ARFGEF3: variants seen among roughly 807,000 people sequenced by gnomAD.
ARFGEF3 encodes the protein brefeldin A-inhibited guanine nucleotide-exchange protein 3.
Under a neutral mutation model 221.7 loss-of-function variants are expected in ARFGEF3, and 96 were observed. The observed-to-expected ratio is 0.43, with a 90% CI of 0.37 to 0.51. The LOEUF (loss-of-function observed/expected upper bound fraction) is 0.51. ARFGEF3 is among the 20% of genes least tolerant of loss of function. The pLI, the probability that ARFGEF3 is intolerant of heterozygous loss-of-function variation, is 0.00. For missense variants in ARFGEF3, 2,410 were observed against 2,789.9 expected, an observed-to-expected ratio of 0.86 and a Z score of 3.07; for synonymous variants, 1,145 against 1,126.8, an observed-to-expected ratio of 1.02 and a Z score of -0.32.
At chr6:138,170,749 A>G (rs555894688) in intron 2 of ARFGEF3, 36 bp downstream of exon 2, 1 of 1,257,812 alleles carries the variant, frequency 8.0e-7, no homozygotes, top group South Asian at 1.2e-5. Context: ...CACAGAAGTC[A>G]ATATTACCCA....
intron 21 of ARFGEF3, 35 bp downstream of exon 21, chr6:138,296,990 G>T (rs567249198): frequency 5.3e-5 from 84 of 1,586,476 alleles, no homozygotes; most frequent in Non-Finnish European, 6.7e-5. Context: ...GGCTGGAACT[G>T]CTAAGTCAGT....
rs530003544 is a variant in ARFGEF3 at position 138,247,490 on chromosome 6, C to T, written c.665+1899C>T. Among the ~76,000 whole-genome samples the T allele has an allele frequency of 1.5e-4, 23 of 152,276 alleles. No individual in the cohort carries two copies. The East Asian group carries it at 3.1e-3, about 20-fold the overall frequency. On this transcript the variant is annotated intron_variant, in intron 8 of 33. Transcript: ENST00000251691. ...TGTTCTAGTGCTAAGTCCTCATCCC[C>T]GTCCAGTTCCCCTCCATCATAACAC... is the stretch of plus-strand genomic sequence containing the variant.
chr6:138,291,924 A>G lies in ARFGEF3; in HGVS notation c.3239A>G (p.Gln1080Arg). 1.3e-6 allele frequency: 2 copies of G among 1,498,784 alleles called. No individual in the cohort carries two copies. The highest frequency in any genetic ancestry group is 1.8e-6 in the Non-Finnish European group (2 of 1,121,592). 92.8% of individuals were successfully genotyped at this position (1,498,784 alleles called of 1,614,324 possible). The stretch of plus-strand genomic sequence containing the variant: ...TCCCTGAGCACGGCCCCTGTCGTCC[A>G]GCCCCTGTCCATCCAGGACCTCGTC... ...GRSLSTAPVV[Q>R]PLSIQDLVRE... is the part of the protein sequence containing the mutation. Residue 1080 changes from glutamine to arginine, a missense_variant, in exon 19 of 34, where the codon CAG becomes CGG. Transcript: ENST00000251691. This position sits in a 1 kb window ranked among gnomAD's most constrained non-coding sequence, Gnocchi z 4.5.
At chr6:138,333,789 T>C (rs1309410399) in intron 32 of ARFGEF3, among the ~76,000 whole-genome samples, 181 bp from the exon 33 acceptor site, 2 of 152,140 alleles carry the variant, frequency 1.3e-5, no homozygotes, top group African/African-American at 4.8e-5. Flanking sequence ...TAGTTGTGAT[T>C]AAAATGGTTA....
chr6:138,218,443 T>C (rs1008548320), intron 4 of ARFGEF3: 22 of 1,475,890 alleles, frequency 1.5e-5, no homozygotes, highest in Non-Finnish European at 2.0e-5. Context: ...AGAAGAATAA[T>C]TTTGTAAATT....
intron 5 of ARFGEF3, among the ~76,000 whole-genome samples, chr6:138,236,127 G>A (rs997330978): frequency 1.3e-5 from 2 of 152,192 alleles, no homozygotes. Context: ...TAAAGTGAAT[G>A]ATGTAATTTT....
intron 22 of ARFGEF3, among the ~76,000 whole-genome samples, chr6:138,300,045 G>A (rs1583056580): frequency 6.6e-6 from 1 of 151,896 alleles, no homozygotes; most frequent in Non-Finnish European, 1.5e-5. Flanking sequence ...TGAGCTCTCA[G>A]TATTTTTAAA....
rs1780323604 is a variant in ARFGEF3, at chr6:138,336,383, C to T, written c.6431C>T (p.Pro2144Leu). The T allele has an allele frequency of 1.9e-6, 3 of 1,613,170 alleles. No individual in the cohort carries two copies. Among genetic ancestry groups the T allele is most frequent in the South Asian group, 1.1e-5 (1 of 90,814 alleles). The change falls in exon 34 of 34, where the codon CCG becomes CTG. Residue 2144 changes from proline (P) to leucine (L), a missense_variant. Pro to Leu is a moderately conservative substitution (Grantham distance 98, BLOSUM62 -3). Transcript: ENST00000251691. ...TFTALQPAVF[P>L]CISQLTCHVT... ...ACGGCCCTCCAGCCCGCAGTGTTCC[C>T]GTGCATCAGTCAGCTGACCTGTCAC... is the stretch of plus-strand genomic sequence containing the variant.
chr6:138,307,482 T>G, intron 23 of ARFGEF3, 85 bp downstream of exon 23: 2 of 1,208,570 alleles, frequency 1.7e-6, no homozygotes, highest in Non-Finnish European at 2.4e-6. Flanking sequence ...AATTGAACAA[T>G]AGGGAAGACA....
chr6:138,274,687 C>T (rs1427370889), intron 12 of ARFGEF3, among the ~76,000 whole-genome samples: 2 of 150,486 alleles, frequency 1.3e-5, no homozygotes, highest in Non-Finnish European at 2.9e-5. Flanking sequence ...CCCAGCTACT[C>T]GGGAGGCTGA....
chr6:138,165,053 A>G (rs755411089), intron 1 of ARFGEF3, among the ~76,000 whole-genome samples: 185 of 149,660 alleles, frequency 1.2e-3, no homozygotes, highest in Non-Finnish European at 1.5e-3. Flanking sequence ...CCTCACTTAG[A>G]CCCTCATGGG....
chr6:138,163,592 G>A (rs1329481035), intron 1 of ARFGEF3, among the ~76,000 whole-genome samples: 1 of 152,150 alleles, frequency 6.6e-6, no homozygotes, highest in African/African-American at 2.4e-5. Flanking sequence ...AGATAAACAG[G>A]GAGGAGGAGA....
chr6:138,176,850 C>T (rs191609468), intron 2 of ARFGEF3, among the ~76,000 whole-genome samples: 1 of 152,032 alleles, frequency 6.6e-6, no homozygotes. Context: ...ATTTATTTCT[C>T]CTTCATTTAT....
intron 2 of ARFGEF3, among the ~76,000 whole-genome samples, chr6:138,185,254 G>A (rs978328176): frequency 9.9e-5 from 15 of 152,196 alleles, no homozygotes; most frequent in African/African-American, 3.4e-4. Context: ...GCCAGCCAGG[G>A]AATGAAGCTG....
intron 2 of ARFGEF3, among the ~76,000 whole-genome samples, chr6:138,185,102 G>A (rs1777156305): frequency 6.6e-6 from 1 of 152,194 alleles, no homozygotes; most frequent in Admixed American, 6.5e-5. Context: ...TTCCAAGGAG[G>A]CTGGCCACGG....
At chr6:138,188,742 G>A (rs1417243012) in intron 2 of ARFGEF3, among the ~76,000 whole-genome samples, 1 of 152,210 alleles carries the variant, frequency 6.6e-6, no homozygotes, top group African/African-American at 2.4e-5. Context: ...ACATCACATA[G>A]TGCCAGACCT....
chr6:138,334,319 G>A lies in ARFGEF3; in HGVS notation c.5473G>A (p.Val1825Ile). ...NIYFHALVCA[V>I]LTNQETITAE... is the part of the protein sequence containing the mutation. ...TTATTTCCACGCCCTGGTGTGTGCT[G>A]TTCTCACCAATCAAGAAACCATCAC... The change falls in exon 33 of 34, where the codon GTT becomes ATT. Residue 1825 changes from valine to isoleucine, a missense_variant. Coordinates refer to ENST00000251691, the MANE Select transcript of ARFGEF3 (RefSeq NM_020340.5). The surrounding 1 kb of genome is among the most constrained non-coding windows in gnomAD (Gnocchi z 5.1). 1 of 1,613,874 alleles carries A rather than the reference G, an allele frequency of 6.2e-7. No individual in the cohort carries two copies. Among genetic ancestry groups the A allele is most frequent in the Non-Finnish European group, 8.5e-7 (1 of 1,179,868 alleles).
At position 138,291,991 on chromosome 6, in the gene ARFGEF3, G is replaced by A; in HGVS notation, c.3306G>A (p.Gly1102=). The A allele has an allele frequency of 6.5e-7, 1 of 1,537,322 alleles. No homozygotes were observed. The highest frequency in any genetic ancestry group is 8.7e-7 in the Non-Finnish European group (1 of 1,146,506). Reference sequence around the variant, plus strand: ...GTCGGGCCTCCGACTTCCGCGGCGGGAGCCTCATGAGCGGGAGCAGCGCGG... The same window carrying A: ...GTCGGGCCTCCGACTTCCGCGGCGGAAGCCTCATGAGCGGGAGCAGCGCGG... ...SRGRASDFRG[G]SLMSGSSAAK... The change falls in exon 19 of 34, where the codon GGG becomes GGA. Residue 1102 remains glycine, a synonymous_variant. Transcript: ENST00000251691. The surrounding 1 kb of genome is among the most constrained non-coding windows in gnomAD (Gnocchi z 4.5).
chr6:138,227,060 A>G (rs567883119), intron 4 of ARFGEF3, among the ~76,000 whole-genome samples: 112 of 148,734 alleles, frequency 7.5e-4, no homozygotes, highest in Admixed American at 4.9e-3. Context: ...TTTTTTCCAT[A>G]TAGCTCAGTG....
Sources: gnomAD v4.1 joint callset for allele counts (sites outside exome capture counted in the v4.1 genomes callset) on GRCh38, gnomAD v4.1.1 for gene constraint, Gnocchi (gnomAD v3.1) non-coding constraint, MANE v1.5 for transcripts, NCBI Gene and HGNC (gene_info 2026-07-23, HGNC 2026-07-21) for gene names.